The following MGAT4C variants were observed in gnomAD, a reference collection of about 807,000 sequenced individuals.
MGAT4C encodes MGAT4 family member C, also known as alpha-1,3-mannosyl-glycoprotein 4-beta-N-acetylglucosaminyltransferase C.
MGAT4C carries 19 observed loss-of-function variants against 40.1 expected under a neutral mutation model. That is an observed-to-expected ratio of 0.47 (90% CI 0.33 to 0.70). The LOEUF is 0.70. Among genes scored for constraint, MGAT4C ranks in the 30% least tolerant of loss-of-function variants. The pLI is 0.02. For missense variants in MGAT4C, 491 were observed against 563.2 expected (o/e 0.87, Z 1.30); for synonymous variants, 181 against 187.1 (o/e 0.97, Z 0.27).
At chr12:86,366,739 T>C (rs1468441872) in intron 3 of MGAT4C, among the ~76,000 whole-genome samples, 1 of 152,160 alleles carries the variant, frequency 6.6e-6, no homozygotes, top group African/African-American at 2.4e-5. Context: ...AAATTTTTGT[T>C]TAAAAATTAG....
intron 1 of MGAT4C, among the ~76,000 whole-genome samples, chr12:86,065,384 G>A (rs1181617596): frequency 6.6e-6 from 1 of 152,132 alleles, no homozygotes; most frequent in Non-Finnish European, 1.5e-5. Flanking sequence ...CTTCATACCT[G>A]GGATGCAAGG....
chr12:86,383,411 G>C (rs796693546), intron 3 of MGAT4C, among the ~76,000 whole-genome samples: 1 of 151,936 alleles, frequency 6.6e-6, no homozygotes, highest in Admixed American at 6.6e-5. Context: ...AATTATCTGG[G>C]CGTGGTGGCA....
chr12:85,989,531 G>T lies in MGAT4C; in HGVS notation c.16C>A (p.Gln6Lys). The change falls in exon 3 of 5, where the codon CAA (glutamine) becomes AAA (lysine). Residue 6 changes from glutamine to lysine, a missense_variant. Transcript: ENST00000611864. The stretch of plus-strand genomic sequence containing the variant: ...AGTATTTCAAAAATATGTTTCATTT[G>T]ATGAAATTTAAACATTCTCTTCTGT... MFKFH[Q>K]MKHIFEILDK... is the part of the protein sequence containing the mutation. The T allele has an allele frequency of 6.2e-7, 1 of 1,603,666 alleles. No homozygotes were observed. Among genetic ancestry groups the T allele is most frequent in the South Asian group, 1.1e-5 (1 of 88,770 alleles).
At chr12:86,761,780 T>C (rs1310899588) in intron 1 of MGAT4C, among the ~76,000 whole-genome samples, 2 of 152,214 alleles carry the variant, frequency 1.3e-5, no homozygotes, top group African/African-American at 4.8e-5. Context: ...TTCATATTGA[T>C]GGCTATTCTC....
intron 1 of MGAT4C, among the ~76,000 whole-genome samples, chr12:86,767,512 T>C (rs1347400091): frequency 6.6e-6 from 1 of 152,076 alleles, no homozygotes. Context: ...CCTAACTCAT[T>C]TTATGAGGCC....
At chr12:86,327,622 G>T (rs1954557226) in intron 4 of MGAT4C, among the ~76,000 whole-genome samples, 1 of 151,844 alleles carries the variant, frequency 6.6e-6, no homozygotes. Flanking sequence ...GAGGTAAAAA[G>T]AAAATAAAAT....
In MGAT4C at chr12:86,773,714, T is replaced by C. The variant is rs567297146; in HGVS notation, c.-261-46473A>G. 1.8e-4 allele frequency among the ~76,000 whole-genome samples: 27 copies of C among 152,080 alleles called. No individual in the cohort carries two copies. The South Asian group carries it at 5.6e-3, about 32-fold the overall frequency. On this transcript the variant is annotated intron_variant, in intron 1 of 7. Transcript: ENST00000548651. ...TTAACTATTTATAAGACAAGTGATA[T>C]ATGTATGTGTGTGTGCATGTGTGTG...
At chr12:86,140,925 A>G (rs2135738324) in intron 1 of MGAT4C, among the ~76,000 whole-genome samples, 1 of 152,260 alleles carries the variant, frequency 6.6e-6, no homozygotes, top group Non-Finnish European at 1.5e-5. Context: ...GAATACCCCC[A>G]ACTTCCAAGT....
At chr12:86,426,328 A>C (rs1956925464) in intron 3 of MGAT4C, among the ~76,000 whole-genome samples, 1 of 152,176 alleles carries the variant, frequency 6.6e-6, no homozygotes, top group African/African-American at 2.4e-5. Flanking sequence ...TTATTACTAG[A>C]TATTGAGAAG....
intron 2 of MGAT4C, among the ~76,000 whole-genome samples, chr12:86,583,622 A>G (rs4508267): frequency 0.88 from 133,194 of 151,026 alleles, 59,009 homozygotes; most frequent in East Asian, 1. Context: ...CCTTTATTCC[A>G]TTTTGAAAAT....
chr12:86,784,669 A>G (rs1951900589), intron 1 of MGAT4C, among the ~76,000 whole-genome samples: 1 of 146,500 alleles, frequency 6.8e-6, no homozygotes, highest in Non-Finnish European at 1.5e-5. Context: ...TAGGTAAAAG[A>G]AAAAAAAAAA....
chr12:86,208,198 G>C (rs1280758383), intron 1 of MGAT4C, among the ~76,000 whole-genome samples: 1 of 152,180 alleles, frequency 6.6e-6, no homozygotes, highest in Non-Finnish European at 1.5e-5. Context: ...GGGCGCAGTG[G>C]CTTATGCCTG....
chr12:86,704,436 A>G (rs989872630), intron 2 of MGAT4C, among the ~76,000 whole-genome samples: 2 of 152,144 alleles, frequency 1.3e-5, no homozygotes, highest in African/African-American at 4.8e-5. Flanking sequence ...CATGTTTACT[A>G]TAATTAACTT....
rs1955026087 is a variant in MGAT4C, at chr12:86,346,074, C to A, written c.-119-11947G>T. Among the ~76,000 whole-genome samples, 6 of 152,202 alleles carry A rather than the reference C, an allele frequency of 3.9e-5. No homozygotes were observed. The South Asian group carries it at 1.2e-3, about 32-fold the overall frequency. On this transcript the variant is annotated intron_variant, in intron 3 of 7. Coordinates refer to the MGAT4C transcript ENST00000548651. ...GGGATTTTAGTGGTTAATTTTACTT[C>A]CAAATTTCAACCAAATTTAAATGCT...
chr12:86,510,924 C>T (rs1015078385), intron 2 of MGAT4C, among the ~76,000 whole-genome samples: 81 of 151,488 alleles, frequency 5.3e-4, no homozygotes, highest in African/African-American at 1.8e-3. Context: ...CAACATTAGA[C>T]AGATCAACGA....
intron 1 of MGAT4C, among the ~76,000 whole-genome samples, chr12:86,050,982 A>G (rs1892839302): frequency 6.6e-6 from 1 of 152,032 alleles, no homozygotes; most frequent in African/African-American, 2.4e-5. Context: ...CCAACTATAG[A>G]TCCCAAGAAA....
At chr12:86,013,706 C>T (rs922121320) in intron 2 of MGAT4C, 5 of 984,076 alleles carry the variant, frequency 5.1e-6, no homozygotes, top group Non-Finnish European at 6.0e-6. Flanking sequence ...TGTTTACAAA[C>T]CACCAACAAA....
chr12:86,661,138 A>C (rs1363833388), intron 2 of MGAT4C, among the ~76,000 whole-genome samples: 1 of 152,138 alleles, frequency 6.6e-6, no homozygotes, highest in Non-Finnish European at 1.5e-5. Flanking sequence ...TTTCTATATT[A>C]CCATCACTGT....
chr12:86,425,354 G>A (rs1251571710), intron 3 of MGAT4C, among the ~76,000 whole-genome samples: 2 of 152,234 alleles, frequency 1.3e-5, no homozygotes, highest in East Asian at 1.9e-4. Flanking sequence ...TAGTGAGTGA[G>A]TTCTCACGAG....
Sources: allele counts gnomAD v4.1 joint callset (sites outside exome capture counted in the v4.1 genomes callset), GRCh38; gene constraint gnomAD v4.1.1; transcripts MANE v1.5; gene names NCBI Gene and HGNC (gene_info 2026-07-23, HGNC 2026-07-21).